The following CES5A variants were observed in gnomAD, a reference collection of about 807,000 sequenced individuals.
CES5A encodes the protein carboxylesterase 5.
Under a neutral mutation model 62.9 loss-of-function variants are expected in CES5A, and 67 were observed. The observed-to-expected ratio is 1.07, with a 90% CI of 0.88 to 1.31. CES5A has a LOEUF of 1.31. CES5A is among the 50% of genes most tolerant of loss of function. The pLI is 0.00. For synonymous variants in CES5A, 296 were observed against 280.8 expected, an observed-to-expected ratio of 1.05 and a Z score of -0.54; for missense variants, 748 against 708.5, an observed-to-expected ratio of 1.06 and a Z score of -0.63.
At chr16:55,940,738 T>C (rs543309391) in intron 2 of CES5A, among the ~76,000 whole-genome samples, 1 of 151,714 alleles carries the variant, frequency 6.6e-6, no homozygotes, top group Non-Finnish European at 1.5e-5. Context: ...CAGACTAATA[T>C]CCTTCATAAA....
At chr16:55,935,712 G>A (rs1399573564) in intron 2 of CES5A, among the ~76,000 whole-genome samples, 1 of 151,732 alleles carries the variant, frequency 6.6e-6, no homozygotes, top group Non-Finnish European at 1.5e-5. Context: ...ATTCTCTCTG[G>A]GTAGATGTCT....
chr16:55,859,140 G>A (rs1363694630), intron 8 of CES5A, among the ~76,000 whole-genome samples: 1 of 152,228 alleles, frequency 6.6e-6, no homozygotes, highest in Admixed American at 6.5e-5. Flanking sequence ...AGCATTCAGG[G>A]ATGTCAAAAT....
intron 3 of CES5A, among the ~76,000 whole-genome samples, chr16:55,871,008 C>T (rs1208173761): frequency 1.3e-5 from 2 of 152,136 alleles, no homozygotes; most frequent in African/African-American, 4.8e-5. Flanking sequence ...GGGTCCAAAT[C>T]GTCCTTACCC....
intron 1 of CES5A, among the ~76,000 whole-genome samples, chr16:55,920,127 G>A (rs943182483): frequency 6.6e-6 from 1 of 152,132 alleles, no homozygotes; most frequent in African/African-American, 2.4e-5. Context: ...GATAGTTTTG[G>A]GGGCTGCAGA....
intron 3 of CES5A, 114 bp from the exon 4 acceptor site, chr16:55,869,858 G>A (rs1262449668): frequency 5.0e-6 from 7 of 1,401,386 alleles, no homozygotes; most frequent in African/African-American, 2.9e-5. Flanking sequence ...TGCTAAGCAG[G>A]GTGCGAGGTT....
intron 1 of CES5A, among the ~76,000 whole-genome samples, chr16:55,892,023 C>T (rs2033884879): frequency 6.6e-6 from 1 of 152,090 alleles, no homozygotes; most frequent in Admixed American, 6.6e-5. Flanking sequence ...ACTCCCCATC[C>T]TGAAGAGATT....
At chr16:55,883,967 G>A (rs1017497219) in intron 1 of CES5A, among the ~76,000 whole-genome samples, 2 of 152,210 alleles carry the variant, frequency 1.3e-5, no homozygotes, top group Non-Finnish European at 2.9e-5. Flanking sequence ...GGGTCATGGT[G>A]ACACTTTAGG....
At chr16:55,852,746 C>A in intron 10 of CES5A, 135 bp downstream of exon 10, 1 of 947,618 alleles carries the variant, frequency 1.1e-6, no homozygotes, top group African/African-American at 1.6e-5. Context: ...ATGTTTCCAT[C>A]CAGGCACACC....
At chr16:55,929,143 C>T (rs957801005), upstream of CES5A, among the ~76,000 whole-genome samples, 5 of 152,258 alleles carry the variant, frequency 3.3e-5, no homozygotes, top group South Asian at 2.1e-4. Flanking sequence ...TGGAGGTGAG[C>T]GGGTCACGTG....
intron 1 of CES5A, among the ~76,000 whole-genome samples, chr16:55,895,856 G>C (rs571433331): frequency 6.6e-6 from 1 of 152,106 alleles, no homozygotes; most frequent in East Asian, 1.9e-4. Context: ...AGGGGGGCCT[G>C]GTGGGAGATG....
In CES5A at chr16:55,873,893, G is replaced by A. The variant is rs570591787; in HGVS notation, c.218C>T (p.Thr73Met). The A allele has an allele frequency of 3.9e-4, 629 of 1,613,754 alleles. 14 individuals carry two copies. In the South Asian group the frequency reaches 6.3e-3, roughly 16 times the overall value. The change falls in exon 2 of 13, where the codon ACG becomes ATG. Residue 73 changes from threonine (T) to methionine (M), a missense_variant. Physicochemically the swap from Thr to Met is moderately conservative, Grantham distance 81. Coordinates refer to ENST00000290567, the MANE Select transcript of CES5A (RefSeq NM_001143685.2). ...AAPPLGSLRF[T>M]NPQPASPWDN... ...CCAGGGCGATGCAGGCTGCGGGTTC[G>A]TAAATCGCAGGGATCCCAGCGGGGG...
In CES5A at chr16:55,855,852, C is replaced by T. The variant is rs149872128; in HGVS notation, c.1125+525G>A. On this transcript the variant is annotated intron_variant, in intron 9 of 12. Coordinates refer to ENST00000290567, the MANE Select transcript of CES5A (RefSeq NM_001143685.2). ...TCGACCTGTGTCCCCCACCAAATCT[C>T]ATGTTGAATTGTAATCTCTAATGTT... 4.5e-3 allele frequency among the ~76,000 whole-genome samples: 687 copies of T among 152,210 alleles called. 4 individuals carry two copies. Among genetic ancestry groups the T allele is most frequent in the Non-Finnish European group, 7.8e-3 (528 of 68,012 alleles).
chr16:55,901,256 A>C lies in CES5A; in HGVS notation c.-256+24067T>G, dbSNP rs925708906. Among the ~76,000 whole-genome samples the C allele has an allele frequency of 2.6e-5, 4 of 152,130 alleles. No homozygotes were observed. In the East Asian group the frequency reaches 7.7e-4, roughly 29 times the overall value. On this transcript the variant is annotated intron_variant, in intron 1 of 12. Transcript: ENST00000518005. ...TGACTTTGCCATTTATTCGCCTTCT[A>C]TCATGATTGTGAGGCCTCCCCAGCC...
At chr16:55,881,853 A>C (rs2033765319) in intron 1 of CES5A, among the ~76,000 whole-genome samples, 2 of 152,188 alleles carry the variant, frequency 1.3e-5, no homozygotes, top group South Asian at 4.1e-4. Context: ...TGAGTCTGGA[A>C]TAGCAGAGGC....
At chr16:55,895,314 G>C (rs2033921031) in intron 1 of CES5A, among the ~76,000 whole-genome samples, 2 of 152,222 alleles carry the variant, frequency 1.3e-5, no homozygotes, top group Non-Finnish European at 2.9e-5. Flanking sequence ...TTCAAAAAGT[G>C]TGTTTATGAA....
chr16:55,899,799 A>G (rs1006796667), intron 1 of CES5A, among the ~76,000 whole-genome samples: 1 of 152,112 alleles, frequency 6.6e-6, no homozygotes, highest in Non-Finnish European at 1.5e-5. Flanking sequence ...CCCACTATTA[A>G]CTGGCCCACA....
chr16:55,947,632 T>G (rs2034510664), intron 2 of CES5A, among the ~76,000 whole-genome samples: 1 of 151,984 alleles, frequency 6.6e-6, no homozygotes, highest in Non-Finnish European at 1.5e-5. Context: ...AAGTTGGGGT[T>G]GTAGGGAGAG....
chr16:55,873,870 A>G lies in CES5A; in HGVS notation c.241T>C (p.Trp81Arg), dbSNP rs755228275. ...GAGGTGGCTTCTCGCAAGTTATCCC[A>G]GGGCGATGCAGGCTGCGGGTTCGTA... Reference protein sequence around the residue: ...RFTNPQPASPWDNLREATSYP... With the variant: ...RFTNPQPASPRDNLREATSYP... The change falls in exon 2 of 13, where the codon TGG becomes CGG. Residue 81 changes from tryptophan to arginine, a missense_variant. Trp to Arg is a moderately radical substitution (Grantham distance 101). Transcript: ENST00000290567. The G allele has an allele frequency of 1.2e-6, 2 of 1,613,610 alleles. No homozygotes were observed. The highest frequency in any genetic ancestry group is 1.7e-6 in the Non-Finnish European group (2 of 1,179,918).
At chr16:55,854,531 C>CTTTTTTTTTTCTTTTTTTTTTTTTT (rs1555479324) in intron 9 of CES5A, among the ~76,000 whole-genome samples, 12 of 52,152 alleles carry the variant, frequency 2.3e-4, no homozygotes, top group East Asian at 1.9e-3. Flanking sequence ...TGTAGTGTTT[C>CTTTTTTTTTTCTTTTTTTTTTTTTT]TTTTTTTTTT....
Sources: gnomAD v4.1 joint callset for allele counts (sites outside exome capture counted in the v4.1 genomes callset) on GRCh38, gnomAD v4.1.1 for gene constraint, MANE v1.5 for transcripts, NCBI Gene and HGNC (gene_info 2026-07-23, HGNC 2026-07-21) for gene names.